Variants in TMEM229B observed in about 807,000 individuals in gnomAD.
The protein encoded by TMEM229B is chromosome 14 open reading frame 83.
A neutral mutation model predicts 13.7 loss-of-function variants in TMEM229B; 6 were observed. The ratio of observed to expected loss-of-function variants is 0.44; its 90% CI spans 0.24 to 0.86. The LOEUF (loss-of-function observed/expected upper bound fraction) is 0.86, where lower values mean the gene tolerates loss of function less well. Ranked by LOEUF, TMEM229B falls within the 40% of genes least tolerant of loss-of-function variation. The pLI, the probability that TMEM229B is intolerant of heterozygous loss-of-function variation, is 0.23. For synonymous variants in TMEM229B, 107 were observed against 102.1 expected (o/e 1.05, Z -0.29); for missense variants, 170 against 236.0 (o/e 0.72, Z 1.83).
intron 1 of TMEM229B, among the ~76,000 whole-genome samples, chr14:67,523,805 G>A (rs1395389638): frequency 6.6e-6 from 1 of 152,196 alleles, no homozygotes. Context: ...GCAAAGAACA[G>A]ACGTGGGAAG....
At chr14:67,514,156 C>T (rs2033119789) in intron 1 of TMEM229B, among the ~76,000 whole-genome samples, 1 of 152,182 alleles carries the variant, frequency 6.6e-6, no homozygotes, top group South Asian at 2.1e-4. Context: ...CTCTTTCCCT[C>T]CAGGGAGAGC....
chr14:67,475,194 C>T (rs567888712), intron 2 of TMEM229B, among the ~76,000 whole-genome samples: 15 of 152,264 alleles, frequency 9.9e-5, no homozygotes, highest in African/African-American at 3.1e-4. Context: ...GGATTACAGG[C>T]GTGAGCCACT....
chr14:67,499,075 T>C (rs1199720412), intron 1 of TMEM229B, among the ~76,000 whole-genome samples: 3 of 152,096 alleles, frequency 2.0e-5, no homozygotes, highest in Non-Finnish European at 4.4e-5. Flanking sequence ...TGATCATAGG[T>C]CACCATAAAC....
At chr14:67,478,054 A>C (rs945088700) in intron 2 of TMEM229B, among the ~76,000 whole-genome samples, 1 of 152,242 alleles carries the variant, frequency 6.6e-6, no homozygotes, top group East Asian at 1.9e-4. Context: ...ATCGCCATAT[A>C]ACAAATCATC....
chr14:67,524,250 G>A (rs1458348206), intron 1 of TMEM229B, among the ~76,000 whole-genome samples: 1 of 152,120 alleles, frequency 6.6e-6, no homozygotes, highest in African/African-American at 2.4e-5. Context: ...ACCAAACCTG[G>A]CTCTGTTTTT....
chr14:67,504,846 A>T (rs533636485), intron 1 of TMEM229B, among the ~76,000 whole-genome samples: 1 of 152,300 alleles, frequency 6.6e-6, no homozygotes, highest in African/African-American at 2.4e-5. Flanking sequence ...AGATCTCACC[A>T]TTGCACTCCA....
intron 1 of TMEM229B, among the ~76,000 whole-genome samples, chr14:67,508,309 A>G (rs531002486): frequency 6.7e-4 from 102 of 152,208 alleles, no homozygotes; most frequent in Non-Finnish European, 8.1e-4. Flanking sequence ...TATTTCCTGA[A>G]AAAGGCTGGA....
In TMEM229B at chr14:67,473,324, A is replaced by G; in HGVS notation, c.*96T>C. ...TATAGGGCTGAGGCTTGGCCGGAGC[A>G]GGGCTTTTGCTGCATGGATGGGGCA... On this transcript the variant is annotated 3_prime_UTR_variant, in exon 3 of 3. Transcript: ENST00000554480. The surrounding 1 kb of genome is among the most constrained non-coding windows in gnomAD (Gnocchi z 6.5). 2 of 1,511,702 alleles carry G rather than the reference A, an allele frequency of 1.3e-6. No homozygotes were observed. Among genetic ancestry groups the G allele is most frequent in the Non-Finnish European group, 1.8e-6 (2 of 1,114,132 alleles). 93.6% of individuals were successfully genotyped at this position (1,511,702 alleles called of 1,614,324 possible).
At chr14:67,525,079 A>G (rs2033346754) in intron 1 of TMEM229B, among the ~76,000 whole-genome samples, 1 of 152,204 alleles carries the variant, frequency 6.6e-6, no homozygotes, top group Non-Finnish European at 1.5e-5. Context: ...TAATAGCTTT[A>G]TTAGAAAAAT....
upstream of TMEM229B, among the ~76,000 whole-genome samples, chr14:67,517,015 GC>G (rs1269034483): frequency 6.6e-5 from 10 of 152,192 alleles, no homozygotes; most frequent in African/African-American, 2.4e-4. Context: ...CACACAGTAG[GC>G]TTTGGATAAC....
At chr14:67,523,322 C>CA (rs11328089) in intron 1 of TMEM229B, among the ~76,000 whole-genome samples, 14,519 of 128,594 alleles carry the variant, frequency 0.11, 897 homozygotes, top group African/African-American at 0.2. Context: ...GACTCCATCT[C>CA]AAAAAAAAAA....
At chr14:67,531,144 T>A (rs142686732) in intron 1 of TMEM229B, among the ~76,000 whole-genome samples, 1 of 151,900 alleles carries the variant, frequency 6.6e-6, no homozygotes, top group East Asian at 1.9e-4. Flanking sequence ...GCTCTAGGGG[T>A]GATGGTGGGT....
At chr14:67,508,063 G>A (rs940942580) in intron 1 of TMEM229B, among the ~76,000 whole-genome samples, 2 of 151,050 alleles carry the variant, frequency 1.3e-5, no homozygotes, top group Non-Finnish European at 1.5e-5. Flanking sequence ...GCTTGAACCC[G>A]GGAGGTGGAG....
intron 1 of TMEM229B, among the ~76,000 whole-genome samples, chr14:67,498,166 T>C (rs995502568): frequency 3.3e-5 from 5 of 152,286 alleles, no homozygotes; most frequent in Non-Finnish European, 4.4e-5. Context: ...TTAATCTCTG[T>C]TCCCGATCCA....
Position 67,503,704 on chromosome 14 carries a change from TTTTA to T in TMEM229B, c.-192+11378_-192+11381del, listed in dbSNP as rs2032701271. On this transcript the variant is annotated intron_variant, in intron 1 of 2. Coordinates refer to the TMEM229B transcript ENST00000357461. ...TTACTTTTTTTAAATTATTTTTATT[TTTTA>T]TTTATTTATTTTTGAGACAGAGTCT... Among the ~76,000 whole-genome samples, 3 of 152,114 alleles carry T rather than the reference TTTTA, an allele frequency of 2.0e-5. No homozygotes were observed. The South Asian group carries it at 6.2e-4, about 32-fold the overall frequency.
At chr14:67,530,423 C>T (rs1262901128) in intron 1 of TMEM229B, among the ~76,000 whole-genome samples, 1 of 152,126 alleles carries the variant, frequency 6.6e-6, no homozygotes, top group Non-Finnish European at 1.5e-5. Flanking sequence ...ATAGTGCTGT[C>T]CAAGGAACAA....
At chr14:67,498,958 T>A (rs915206035) in intron 1 of TMEM229B, among the ~76,000 whole-genome samples, 1 of 132,172 alleles carries the variant, frequency 7.6e-6, no homozygotes, top group African/African-American at 2.6e-5. Context: ...CAGGAGCCAC[T>A]GAGCCCAGAC....
intron 1 of TMEM229B, among the ~76,000 whole-genome samples, chr14:67,511,354 CA>C (rs34965008): frequency 0.64 from 96,315 of 151,112 alleles, 32,311 homozygotes; most frequent in Non-Finnish European, 0.76. Flanking sequence ...TTTAAAAAAA[CA>C]AAAAAACAAA....
chr14:67,505,926 C>T (rs2032809767), intron 1 of TMEM229B, among the ~76,000 whole-genome samples: 2 of 152,132 alleles, frequency 1.3e-5, no homozygotes, highest in Non-Finnish European at 2.9e-5. Context: ...GTCTCGAACT[C>T]CTGACCTTGG....
Sources: allele counts gnomAD v4.1 joint callset (sites outside exome capture counted in the v4.1 genomes callset), GRCh38; gene constraint gnomAD v4.1.1; non-coding constraint Gnocchi (gnomAD v3.1); transcripts MANE v1.5; gene names NCBI Gene and HGNC (gene_info 2026-07-23, HGNC 2026-07-21).